Variants in SLC38A11 observed in about 807,000 individuals in gnomAD.
SLC38A11 encodes putative sodium-coupled neutral amino acid transporter 11.
SLC38A11 carries 51 observed loss-of-function variants against 49.4 expected under a neutral mutation model. The observed-to-expected ratio is 1.03, with a 90% confidence interval of 0.83 to 1.30. SLC38A11 has a LOEUF of 1.30. Among genes scored for constraint, SLC38A11 ranks in the 50% most tolerant of loss-of-function variants. SLC38A11 has a pLI of 0.00. For missense variants in SLC38A11, 574 were observed against 556.2 expected (o/e 1.03, Z -0.32); for synonymous variants, 203 against 192.9 (o/e 1.05, Z -0.43).
At chr2:164,910,134 T>G (rs1685297541) in intron 10 of SLC38A11, among the ~76,000 whole-genome samples, 1 of 151,974 alleles carries the variant, frequency 6.6e-6, no homozygotes, top group Non-Finnish European at 1.5e-5. Context: ...GAATGAAGAG[T>G]AAGAGAAGGG....
intron 6 of SLC38A11, among the ~76,000 whole-genome samples, chr2:164,939,107 A>G (rs1687570139): frequency 6.6e-6 from 1 of 152,130 alleles, no homozygotes. Context: ...TTAATTTTAA[A>G]TTGTTTAAAC....
Position 164,908,695 on chromosome 2 carries a change from A to G in SLC38A11, c.1040T>C (p.Val347Ala). The G allele has an allele frequency of 6.2e-7, 1 of 1,611,226 alleles. No homozygotes were observed. Among genetic ancestry groups the G allele is most frequent in the Non-Finnish European group, 8.5e-7 (1 of 1,178,516 alleles). ...HIVVTVMVIT[V>A]ATLVSLLIDC... ...AATCAGCAATGACACAAGCGTGGCT[A>G]CAGTGATGACCATCACTGTTACAAC... The change falls in exon 11 of 12, where the codon GTA (valine) becomes GCA (alanine). Residue 347 changes from valine (V) to alanine (A), a missense_variant. Val to Ala is a moderately conservative substitution (Grantham distance 64). Coordinates refer to ENST00000685975, the MANE Select transcript of SLC38A11 (RefSeq NM_001351537.2).
chr2:164,906,594 G>C (rs780200178), intron 11 of SLC38A11, among the ~76,000 whole-genome samples: 1 of 151,926 alleles, frequency 6.6e-6, no homozygotes, highest in Non-Finnish European at 1.5e-5. Flanking sequence ...TTAAGTCAGC[G>C]CATTAATGTA....
chr2:164,913,291 C>A (rs901091437), intron 9 of SLC38A11, among the ~76,000 whole-genome samples: 1 of 151,888 alleles, frequency 6.6e-6, no homozygotes, highest in African/African-American at 2.4e-5. Flanking sequence ...GATTCCAGCA[C>A]TCTAAGAAAA....
At chr2:164,934,188 T>C (rs1242641634) in intron 7 of SLC38A11, among the ~76,000 whole-genome samples, 1 of 152,110 alleles carries the variant, frequency 6.6e-6, no homozygotes, top group Non-Finnish European at 1.5e-5. Flanking sequence ...TGCGAGCCCC[T>C]TAAAAGCAGA....
chr2:164,952,209 G>T (rs775602607), intron 3 of SLC38A11, among the ~76,000 whole-genome samples: 2 of 152,214 alleles, frequency 1.3e-5, no homozygotes, highest in African/African-American at 4.8e-5. Context: ...GCAACTTATT[G>T]CTGCATTTAA....
At chr2:164,903,564 C>A (rs1228244098) in intron 11 of SLC38A11, among the ~76,000 whole-genome samples, 5 of 152,126 alleles carry the variant, frequency 3.3e-5, no homozygotes, top group Non-Finnish European at 4.4e-5. Flanking sequence ...AAGTCAAGAT[C>A]ATCAGTAAAA....
At chr2:164,949,298 G>A (rs1394448154) in intron 3 of SLC38A11, among the ~76,000 whole-genome samples, 2 of 151,960 alleles carry the variant, frequency 1.3e-5, no homozygotes, top group Non-Finnish European at 2.9e-5. Flanking sequence ...GCCCAGGCTG[G>A]AGTGGAGTGG....
At chr2:164,914,285 G>A (rs1234758107) in intron 9 of SLC38A11, among the ~76,000 whole-genome samples, 1 of 149,608 alleles carries the variant, frequency 6.7e-6, no homozygotes, top group Non-Finnish European at 1.5e-5. Flanking sequence ...GCCTACTGCT[G>A]GACTGCCCTG....
chr2:164,911,770 G>T, intron 9 of SLC38A11, 22 bp from the exon 10 acceptor site: 2 of 1,341,540 alleles, frequency 1.5e-6, no homozygotes, highest in South Asian at 1.3e-5. Flanking sequence ...TATAAAATAA[G>T]TTTATTTACT....
intron 3 of SLC38A11, among the ~76,000 whole-genome samples, chr2:164,948,521 G>A (rs189748861): frequency 8.5e-5 from 13 of 152,266 alleles, no homozygotes; most frequent in East Asian, 1.9e-4. Context: ...GACTTATGCC[G>A]TAGTAGTCTG....
At chr2:164,906,603 T>C (rs1023225906) in intron 11 of SLC38A11, among the ~76,000 whole-genome samples, 8 of 152,122 alleles carry the variant, frequency 5.3e-5, no homozygotes, top group Non-Finnish European at 7.4e-5. Flanking sequence ...CGCATTAATG[T>C]AGTAGTGATC....
At position 164,905,250 on chromosome 2, in the gene SLC38A11, TG is replaced by T. The variant is rs538675623; in HGVS notation, c.1095+3389del. The stretch of plus-strand genomic sequence containing the variant: ...CTCCTGTCTCAGCCTCCCGAGTGGT[TG>T]GGACTACAGGCATGTGCCACCACAC... On this transcript the variant is annotated intron_variant, in intron 11 of 11. Transcript: ENST00000685975. Among the ~76,000 whole-genome samples the T allele has an allele frequency of 5.6e-4, 85 of 152,192 alleles. 1 individual carries two copies. The East Asian group carries it at 0.015, about 27-fold the overall frequency.
chr2:164,900,569 T>C (rs1209851236), intron 11 of SLC38A11, among the ~76,000 whole-genome samples: 1 of 152,140 alleles, frequency 6.6e-6, no homozygotes, highest in African/African-American at 2.4e-5. Flanking sequence ...GAGCACTTTT[T>C]CGTATACCTG....
At position 164,895,287 on chromosome 2, in the gene SLC38A11, T is replaced by C. The variant is rs1257345724; in HGVS notation, c.*3150A>G. On this transcript the variant is annotated 3_prime_UTR_variant, in exon 12 of 12. Transcript: ENST00000685975. ...CATTTTTTAGAATAAGCATACATTCTTAAAAGCGCTTATTCTATTGAGGTA... is the reference window on the plus strand; with the variant it reads ...CATTTTTTAGAATAAGCATACATTCCTAAAAGCGCTTATTCTATTGAGGTA... 2.0e-5 allele frequency among the ~76,000 whole-genome samples: 3 copies of C among 152,216 alleles called. No individual in the cohort carries two copies. Among genetic ancestry groups the C allele is most frequent in the Non-Finnish European group, 4.4e-5 (3 of 68,036 alleles).
At chr2:164,927,215 A>T (rs1686664223) in intron 7 of SLC38A11, among the ~76,000 whole-genome samples, 1 of 152,052 alleles carries the variant, frequency 6.6e-6, no homozygotes, top group African/African-American at 2.4e-5. Context: ...TCATCTTGGG[A>T]GCAGAAAGAG....
intron 5 of SLC38A11, among the ~76,000 whole-genome samples, chr2:164,942,612 C>T (rs752311568): frequency 2.0e-5 from 3 of 152,094 alleles, no homozygotes; most frequent in Non-Finnish European, 4.4e-5. Flanking sequence ...CTTGTATATG[C>T]CAATAGAAAA....
intron 11 of SLC38A11, among the ~76,000 whole-genome samples, chr2:164,900,124 A>G (rs1272924547): frequency 6.6e-6 from 1 of 151,984 alleles, no homozygotes; most frequent in Non-Finnish European, 1.5e-5. Flanking sequence ...TAATGGCAGG[A>G]TCTCCTTTTT....
chr2:164,908,338 T>A (rs1685160321), intron 11 of SLC38A11, among the ~76,000 whole-genome samples: 1 of 152,096 alleles, frequency 6.6e-6, no homozygotes, highest in South Asian at 2.1e-4. Flanking sequence ...AGATAATTTT[T>A]TGCTGTGAGA....
Sources: allele counts gnomAD v4.1 joint callset (sites outside exome capture counted in the v4.1 genomes callset), GRCh38; gene constraint gnomAD v4.1.1; transcripts MANE v1.5; gene names NCBI Gene and HGNC (gene_info 2026-07-23, HGNC 2026-07-21).